The following CD320 variants were observed in gnomAD, a reference collection of about 807,000 sequenced individuals.
The protein encoded by CD320 is CD320 molecule, also known as CD320 antigen.
CD320 carries 16 observed loss-of-function variants against 22.1 expected under a neutral mutation model. The ratio of observed to expected loss-of-function variants is 0.73; its 90% CI spans 0.49 to 1.10. The LOEUF (loss-of-function observed/expected upper bound fraction) is 1.10, where lower values mean the gene tolerates loss of function less well. Ranked by LOEUF, CD320 falls within the 50% of genes least tolerant of loss-of-function variation. The pLI is 0.00. For missense variants in CD320, 388 were observed against 376.9 expected, an observed-to-expected ratio of 1.03 and a Z score of -0.24; for synonymous variants, 188 against 167.8, an observed-to-expected ratio of 1.12 and a Z score of -0.93.
intron 3 of CD320, among the ~76,000 whole-genome samples, 161 bp downstream of exon 3, chr19:8,303,694 C>T (rs1300823174): frequency 1.3e-5 from 2 of 152,154 alleles, no homozygotes; most frequent in African/African-American, 2.4e-5. Context: ...GGATTACAGG[C>T]GTGAGCCACC....
intron 3 of CD320, 150 bp downstream of exon 3, chr19:8,303,704 CG>C (rs1970043377): frequency 7.7e-6 from 5 of 646,530 alleles, no homozygotes; most frequent in Non-Finnish European, 1.1e-5. Flanking sequence ...CGTGAGCCAC[CG>C]GGCCCGGCCC....
chr19:8,304,695 TTTTC>T, intron 2 of CD320: 1 of 250,874 alleles, frequency 4.0e-6, no homozygotes, highest in South Asian at 5.1e-5. Context: ...TTTCTTTTTT[TTTTC>T]TTTTTCTTTT....
intron 1 of CD320, among the ~76,000 whole-genome samples, chr19:8,307,016 T>C (rs144774454): frequency 6.6e-6 from 1 of 152,154 alleles, no homozygotes; most frequent in East Asian, 1.9e-4. Context: ...AAAGAGACTG[T>C]GTATAGAGTT....
At chr19:8,305,393 G>A (rs761894530) in intron 1 of CD320, 4 of 463,672 alleles carry the variant, frequency 8.6e-6, no homozygotes, top group Admixed American at 3.3e-5. Flanking sequence ...ACAGAGAAAG[G>A]AACCAAGAGG....
chr19:8,305,037 C>A lies in CD320; in HGVS notation c.262G>T (p.Glu88Ter), dbSNP rs546081310. ...LDCSDGSDEE[E>*]CRIEPCTQKG... Reference sequence around the variant, plus strand: ...AAGGGGCGTGGCCACTCACTGCACTCCTCCTCATCGCTGCCATCGCTGCAG... The same window carrying A: ...AAGGGGCGTGGCCACTCACTGCACTACTCCTCATCGCTGCCATCGCTGCAG... Residue 88 changes from glutamate to a stop codon, truncating the protein, a stop_gained, in exon 2 of 5, where the codon GAG (glutamate) becomes TAG (stop). Coordinates refer to ENST00000301458, the MANE Select transcript of CD320 (RefSeq NM_016579.4). LOFTEE classifies it high-confidence loss of function. The A allele has an allele frequency of 1.3e-5, 21 of 1,573,554 alleles. No homozygotes were observed. The East Asian group carries it at 3.0e-4, about 22-fold the overall frequency.
At chr19:8,305,572 A>G (rs10417680) in intron 1 of CD320, 21,294 of 228,688 alleles carry the variant, frequency 0.093, 2,250 homozygotes, top group African/African-American at 0.3. Context: ...CGGGCGTGGT[A>G]GTGCACGCCT....
rs1159996539 is a variant in CD320 at position 8,308,190 on chromosome 19, G to A, written c.101C>T (p.Ala34Val). The part of the protein sequence containing the change: ...LLGLGLGLEA[A>V]ASPLSTPTSA... ...GGTCGGGGTGGAAAGCGGGCTCGCG[G>A]CGGCCTCCAGGCCTAGTCCGAGGCC... Residue 34 changes from alanine to valine, a missense_variant, in exon 1 of 5, where the codon GCC becomes GTC. Transcript: ENST00000301458. 2 of 1,559,684 alleles carry A rather than the reference G, an allele frequency of 1.3e-6. No individual in the cohort carries two copies. The highest frequency in any genetic ancestry group is 1.7e-6 in the Non-Finnish European group (2 of 1,160,534).
chr19:8,304,189 G>C, intron 2 of CD320, 101 bp from the exon 3 acceptor site: 1 of 662,378 alleles, frequency 1.5e-6, no homozygotes, highest in Non-Finnish European at 2.7e-6. Flanking sequence ...AAGAACAGCT[G>C]AGCCCAAAAA....
rs762309184 is a variant in CD320 at position 8,305,159 on chromosome 19, G to C, written c.143-3C>G. The C allele has an allele frequency of 2.5e-6, 4 of 1,596,772 alleles. No individual in the cohort carries two copies. In the African/African-American group the frequency reaches 5.4e-5, roughly 21 times the overall value. On this transcript the variant is annotated splice_polypyrimidine_tract_variant and splice_region_variant and intron_variant, in intron 1 of 4. Coordinates refer to ENST00000301458, the MANE Select transcript of CD320 (RefSeq NM_016579.4). ...TGGGCACGAGCCTGAGCTGGGGCCTGCGAGATGGATGCAAATGAAGCCTGG... is the reference window on the plus strand; with the variant it reads ...TGGGCACGAGCCTGAGCTGGGGCCTCCGAGATGGATGCAAATGAAGCCTGG...
intron 1 of CD320, among the ~76,000 whole-genome samples, chr19:8,307,099 C>T (rs1403993026): frequency 6.6e-6 from 1 of 151,942 alleles, no homozygotes; most frequent in Admixed American, 6.6e-5. Flanking sequence ...CGAGACCAGT[C>T]TGGCCAACAT....
Position 8,303,123 on chromosome 19 carries a change from T to TTC in CD320, c.503-144_503-143insGA, listed in dbSNP as rs1970035024. On this transcript the variant is annotated intron_variant, in intron 3 of 4. Transcript: ENST00000301458. ...CTGCCCGTAATTATGTCTTTTTTTT[T>TTC]TTTTTTTTTTGGAGAGGGAGTCTGG... 5 of 694,444 alleles carry TTC rather than the reference T, an allele frequency of 7.2e-6. No individual in the cohort carries two copies. The East Asian group carries it at 1.3e-4, about 19-fold the overall frequency. 43.0% of individuals were successfully genotyped at this position (694,444 alleles called of 1,614,324 possible). A position where few individuals can be genotyped will look rare whatever the true frequency, so the allele number is the denominator to read the frequency against.
At chr19:8,306,004 C>G (rs929183471) in intron 1 of CD320, 1 of 152,296 alleles carries the variant, frequency 6.6e-6, no homozygotes, top group Admixed American at 6.5e-5. Context: ...GTCCTGTTGC[C>G]CCGCCTCCTG....
intron 2 of CD320, 28 bp downstream of exon 2, chr19:8,305,003 A>C (rs988214507): frequency 6.2e-7 from 1 of 1,600,140 alleles, no homozygotes; most frequent in African/African-American, 1.3e-5. Flanking sequence ...GCCCCCTGTA[A>C]GCCCCGCCAA....
chr19:8,307,974 G>T (rs1283410871), intron 1 of CD320, among the ~76,000 whole-genome samples, 175 bp downstream of exon 1: 1 of 152,190 alleles, frequency 6.6e-6, no homozygotes, highest in Non-Finnish European at 1.5e-5. Flanking sequence ...CCCCAGCATG[G>T]GGTCTTCCTA....
chr19:8,302,190 G>T lies in CD320; in HGVS notation c.*273C>A. The T allele has an allele frequency of 3.1e-6, 2 of 639,992 alleles. No individual in the cohort carries two copies. Among genetic ancestry groups the T allele is most frequent in the Non-Finnish European group, 5.8e-6 (2 of 344,746 alleles). 39.6% of individuals were successfully genotyped at this position (639,992 alleles called of 1,614,324 possible). A position where few individuals can be genotyped will look rare whatever the true frequency, so the allele number is the denominator to read the frequency against. On this transcript the variant is annotated 3_prime_UTR_variant, in exon 5 of 5. Transcript: ENST00000301458. ...GGCAGCAGGAGTGTCTTAAGCACAG[G>T]GCCGTTCTACCCCCTGGGAGCTGCC...
chr19:8,304,663 CCTTT>C (rs1419236308), intron 2 of CD320: 2 of 177,710 alleles, frequency 1.1e-5, no homozygotes, highest in South Asian at 5.9e-5. Flanking sequence ...CTCTTTCCTT[CCTTT>C]CTTTCCTTTC....
intron 1 of CD320, chr19:8,305,777 C>G (rs1568558332): frequency 1.3e-5 from 2 of 153,526 alleles, no homozygotes; most frequent in African/African-American, 4.8e-5. Context: ...ATCCCAGAGT[C>G]TTCACCAGGC....
chr19:8,303,017 A>G, intron 3 of CD320, 37 bp from the exon 4 acceptor site: 2 of 1,588,284 alleles, frequency 1.3e-6, no homozygotes, highest in South Asian at 1.1e-5. Flanking sequence ...TTGAGGAGAG[A>G]GCACTGAAGG....
At position 8,305,238 on chromosome 19, in the gene CD320, C is replaced by T. The variant is rs1041414004; in HGVS notation, c.143-82G>A. 5 of 1,504,914 alleles carry T rather than the reference C, an allele frequency of 3.3e-6. No individual in the cohort carries two copies. In the African/African-American group the frequency reaches 4.2e-5, roughly 13 times the overall value. 93.2% of individuals were successfully genotyped at this position (1,504,914 alleles called of 1,614,324 possible). On this transcript the variant is annotated intron_variant, in intron 1 of 4. Coordinates refer to ENST00000301458, the MANE Select transcript of CD320 (RefSeq NM_016579.4). ...AGCACAGTAGTCACTGGCTGTGATC[C>T]GCAGGAGACAGGCGAAGTCCCGGGA...
Sources: allele counts gnomAD v4.1 joint callset (sites outside exome capture counted in the v4.1 genomes callset), GRCh38; gene constraint gnomAD v4.1.1; transcripts MANE v1.5; gene names NCBI Gene and HGNC (gene_info 2026-07-23, HGNC 2026-07-21).